The following TUT4 variants were observed in gnomAD, a reference collection of about 807,000 sequenced individuals.
The protein encoded by TUT4 is terminal uridylyltransferase 4.
TUT4 carries 36 observed loss-of-function variants against 192.2 expected under a neutral mutation model. The observed-to-expected ratio is 0.19, with a 90% CI of 0.14 to 0.25. TUT4 has a LOEUF of 0.25. Ranked by LOEUF, TUT4 falls within the 10% of genes least tolerant of loss-of-function variation. The pLI is 1.00. For synonymous variants in TUT4, 618 were observed against 666.0 expected (o/e 0.93, Z 1.11); for missense variants, 1,493 against 1,957.2 (o/e 0.76, Z 4.47).
At chr1:52,466,119 A>G (rs956962193) in intron 15 of TUT4, among the ~76,000 whole-genome samples, 28 of 152,150 alleles carry the variant, frequency 1.8e-4, no homozygotes, top group Non-Finnish European at 4.0e-4. Flanking sequence ...ACCCCCATCC[A>G]GTTCTGATGC....
chr1:52,439,113 G>A (rs1654724931), intron 24 of TUT4, among the ~76,000 whole-genome samples: 1 of 150,310 alleles, frequency 6.7e-6, no homozygotes, highest in Admixed American at 6.6e-5. Context: ...CAGCTACTCA[G>A]GAGGCTGAGA....
At chr1:52,459,285 CA>C (rs1056173336) in intron 19 of TUT4, among the ~76,000 whole-genome samples, 126 of 130,392 alleles carry the variant, frequency 9.7e-4, no homozygotes, top group South Asian at 9.8e-4. Flanking sequence ...GACTCCGTCT[CA>C]AAAAAAAAAA....
At chr1:52,498,905 TATATATATATATATATATATA>T (rs1673269893) in intron 4 of TUT4, among the ~76,000 whole-genome samples, 3 of 2,016 alleles carry the variant, frequency 1.5e-3, no homozygotes, top group Non-Finnish European at 2.2e-3. Flanking sequence ...AAAAAAATTA[TATATATATATATATATATATA>T]TATATATATA....
rs539330202 is a variant in TUT4 at position 52,519,816 on chromosome 1, C to T, written c.719-3762G>A. On this transcript the variant is annotated intron_variant, in intron 2 of 29. Coordinates refer to ENST00000257177, the MANE Select transcript of TUT4 (RefSeq NM_001009881.3). ...GAGCCACTGCACCTGGCCTTGAATA[C>T]TTAGATTTTTTAAATAAAAAAAATT... 5.5e-3 allele frequency among the ~76,000 whole-genome samples: 831 copies of T among 152,124 alleles called. 4 individuals are homozygous for T. The highest frequency in any genetic ancestry group is 0.02 in the South Asian group (95 of 4,828).
At chr1:52,507,469 A>AT (rs113341868) in intron 4 of TUT4, among the ~76,000 whole-genome samples, 63 of 148,606 alleles carry the variant, frequency 4.2e-4, no homozygotes, top group African/African-American at 1.2e-3. Flanking sequence ...ATATTTCTGT[A>AT]TTTTTTTTTT....
intron 16 of TUT4, chr1:52,462,923 T>C (rs1311811987): frequency 1.0e-6 from 1 of 985,304 alleles, no homozygotes; most frequent in East Asian, 1.1e-4. Context: ...GTCATTTGCA[T>C]TTTTCCAACA....
chr1:52,486,279 C>G (rs537998187), intron 9 of TUT4, among the ~76,000 whole-genome samples: 1 of 152,090 alleles, frequency 6.6e-6, no homozygotes, highest in Non-Finnish European at 1.5e-5. Context: ...TTAACCACGA[C>G]AAGTGGCTCT....
At chr1:52,465,359 C>T (rs768929933) in intron 15 of TUT4, among the ~76,000 whole-genome samples, 186 bp from the exon 16 acceptor site, 11 of 152,184 alleles carry the variant, frequency 7.2e-5, no homozygotes, top group Admixed American at 1.3e-4. Context: ...AGTTCCCATA[C>T]CCATGTACCC....
chr1:52,483,793 C>A (rs74932724), intron 9 of TUT4, among the ~76,000 whole-genome samples: 2,433 of 151,328 alleles, frequency 0.016, 33 homozygotes, highest in Non-Finnish European at 0.026. Context: ...CTGGGCAACA[C>A]CCCATCAAAA....
intron 20 of TUT4, among the ~76,000 whole-genome samples, chr1:52,454,089 T>C (rs757853758): frequency 1.3e-4 from 20 of 152,298 alleles, no homozygotes; most frequent in Admixed American, 7.2e-4. Flanking sequence ...ACTAAATAAA[T>C]GGAGAGATAT....
chr1:52,548,765 T>C (rs1688696515), intron 1 of TUT4, among the ~76,000 whole-genome samples: 1 of 152,234 alleles, frequency 6.6e-6, no homozygotes, highest in African/African-American at 2.4e-5. Context: ...TACCTATTTC[T>C]TTTTAAAAGT....
At chr1:52,539,541 A>T (rs1053106890) in intron 1 of TUT4, among the ~76,000 whole-genome samples, 1 of 152,194 alleles carries the variant, frequency 6.6e-6, no homozygotes, top group African/African-American at 2.4e-5. Context: ...ACACATTAAC[A>T]ATGCCACAAG....
At position 52,495,407 on chromosome 1, in the gene TUT4, GA is replaced by G. The variant is rs767238429; in HGVS notation, c.1266+19del. ...TAAGTACTAGTTAAGAACCACACAG[GA>G]AAGATTCTAATTACTTACCTTGGGA... On this transcript the variant is annotated intron_variant, in intron 6 of 29. Transcript: ENST00000257177. 14 of 1,486,616 alleles carry G rather than the reference GA, an allele frequency of 9.4e-6. No individual in the cohort carries two copies. The highest frequency in any genetic ancestry group is 1.2e-5 in the Non-Finnish European group (13 of 1,072,914). 92.1% of individuals were successfully genotyped at this position (1,486,616 alleles called of 1,614,324 possible). A position where few individuals can be genotyped will look rare whatever the true frequency, so the allele number is the denominator to read the frequency against.
Position 52,488,971 on chromosome 1 carries a change from C to G in TUT4, c.1453G>C (p.Ala485Pro), listed in dbSNP as rs753871469. Residue 485 changes from alanine to proline, a missense_variant, in exon 9 of 30, where the codon GCC (alanine) becomes CCC (proline). Around this residue, in one of 7 missense-constraint regions of TUT4, gnomAD observed 437 missense variants for 577.6 expected, o/e 0.76. Transcript: ENST00000257177. ...AAGACAGGTTCTATTTTGCCAAGGG[C>G]AGTAAGTAAATCAGTAGTGAGACAT... ...MACLTTDLLT[A>P]LGKIEPVFIP... 2.5e-6 allele frequency: 4 copies of G among 1,613,770 alleles called. No homozygotes were observed. Among genetic ancestry groups the G allele is most frequent in the South Asian group, 1.1e-5 (1 of 91,032 alleles).
intron 13 of TUT4, among the ~76,000 whole-genome samples, chr1:52,473,122 T>C (rs952123044): frequency 6.6e-6 from 1 of 152,188 alleles, no homozygotes; most frequent in African/African-American, 2.4e-5. Context: ...ATAAGACATG[T>C]AAACTGAAGT....
intron 5 of TUT4, 54 bp downstream of exon 5, chr1:52,496,952 G>A (rs2149153448): frequency 6.5e-7 from 1 of 1,533,914 alleles, no homozygotes. Flanking sequence ...AGTTCAAGAG[G>A]AGCAAGGGAA....
chr1:52,442,603 C>T (rs1001270512), intron 24 of TUT4, among the ~76,000 whole-genome samples: 4 of 152,146 alleles, frequency 2.6e-5, no homozygotes, highest in Non-Finnish European at 5.9e-5. Flanking sequence ...ATCTCAAATG[C>T]TCCACATAAG....
At chr1:52,441,730 A>G (rs1391924594) in intron 24 of TUT4, among the ~76,000 whole-genome samples, 1 of 152,134 alleles carries the variant, frequency 6.6e-6, no homozygotes, top group East Asian at 1.9e-4. Context: ...TGACTGTACT[A>G]TATACTTAAA....
chr1:52,538,149 C>T (rs11805462), intron 1 of TUT4, among the ~76,000 whole-genome samples: 25,664 of 152,000 alleles, frequency 0.17, 4,587 homozygotes, highest in African/African-American at 0.46. Flanking sequence ...GGCACAAGAA[C>T]CGCTTGAATC....
Sources: allele counts gnomAD v4.1 joint callset (sites outside exome capture counted in the v4.1 genomes callset), GRCh38; gene constraint gnomAD v4.1.1; regional missense constraint gnomAD v4.1.1; transcripts MANE v1.5; gene names NCBI Gene and HGNC (gene_info 2026-07-23, HGNC 2026-07-21).